Variants in DCLK2 observed in about 807,000 individuals in gnomAD.
DCLK2 encodes the protein doublecortin like kinase 2.
In DCLK2, 31 loss-of-function variants were observed where a neutral mutation model predicts 78.4. The ratio of observed to expected loss-of-function variants is 0.40; its 90% CI spans 0.30 to 0.53. The LOEUF is 0.53. DCLK2 is among the 20% of genes least tolerant of loss of function. The probability of loss-of-function intolerance (pLI) is 0.61; values close to 1 mark genes in which losing one functional copy is unlikely to be tolerated. For synonymous variants in DCLK2, 407 were observed against 374.9 expected (o/e 1.09, Z -0.99); for missense variants, 872 against 973.7 (o/e 0.90, Z 1.39).
chr4:150,190,061 T>G (rs1738293580), intron 2 of DCLK2, among the ~76,000 whole-genome samples: 11 of 27,658 alleles, frequency 4.0e-4, no homozygotes, highest in African/African-American at 4.7e-4. Context: ...AGGCCAAGTG[T>G]GGTGGCTGTG....
At chr4:150,082,784 T>C (rs1236803913) in intron 1 of DCLK2, among the ~76,000 whole-genome samples, 1 of 152,200 alleles carries the variant, frequency 6.6e-6, no homozygotes, top group African/African-American at 2.4e-5. Context: ...AGCTTTCTTA[T>C]TAGGGACTGA....
intron 2 of DCLK2, among the ~76,000 whole-genome samples, chr4:150,138,866 T>C (rs372776504): frequency 6.6e-6 from 1 of 151,906 alleles, no homozygotes; most frequent in Non-Finnish European, 1.5e-5. Flanking sequence ...GGGTTTCACC[T>C]TGTTAGCCAG....
At chr4:150,215,009 T>C (rs1272998808) in intron 5 of DCLK2, among the ~76,000 whole-genome samples, 1 of 151,080 alleles carries the variant, frequency 6.6e-6, no homozygotes, top group Non-Finnish European at 1.5e-5. Context: ...TTATAGACCA[T>C]TTACCACTTG....
chr4:150,220,359 T>G (rs148132616), intron 5 of DCLK2, among the ~76,000 whole-genome samples: 1 of 152,328 alleles, frequency 6.6e-6, no homozygotes, highest in South Asian at 2.1e-4. Flanking sequence ...CTGGAACCAT[T>G]AGAATTATCT....
In DCLK2 at chr4:150,198,020, C is replaced by A; in HGVS notation, c.878C>A (p.Ser293Ter). ...LDHSECRVLK[S>*]SYSRSSAVKY... is the part of the protein sequence containing the mutation. ...TTTCTAGAATGTCGTGTCCTGAAGT[C>A]ATCTTATTCTCGATCCTCAGCTGTT... The change falls in exon 4 of 16, where the codon TCA (serine) becomes TAA (stop). Residue 293 changes from serine to a stop codon, truncating the protein, a stop_gained. Transcript: ENST00000296550. LOFTEE classifies it high-confidence loss of function. 1 of 1,613,304 alleles carries A rather than the reference C, an allele frequency of 6.2e-7. No homozygotes were observed. The highest frequency in any genetic ancestry group is 1.1e-5 in the South Asian group (1 of 90,814).
In DCLK2 at chr4:150,232,688, G is replaced by C; in HGVS notation, c.1426G>C (p.Asp476His). ...FLVMELVKGG[D>H]LFDAITSSTK... is the part of the protein sequence containing the mutation. ...TCTTTTATGTATCGTTTAGGGTGGA[G>C]ATCTCTTTGATGCAATTACTTCGTC... Residue 476 changes from aspartate (D) to histidine (H), a missense_variant, in exon 10 of 16, where the codon GAT becomes CAT. Physicochemically the swap from Asp to His is moderately conservative, Grantham distance 81 (BLOSUM62 -1). Around this residue, in one of 3 missense-constraint regions of DCLK2, gnomAD observed 86 missense variants for 150.3 expected, o/e 0.57. Transcript: ENST00000296550. 6.2e-7 allele frequency: 1 copy of C among 1,613,974 alleles called. No individual in the cohort carries two copies. Among genetic ancestry groups the C allele is most frequent in the Non-Finnish European group, 8.5e-7 (1 of 1,179,876 alleles).
chr4:150,180,264 C>T (rs906007532), intron 2 of DCLK2, among the ~76,000 whole-genome samples: 3 of 152,128 alleles, frequency 2.0e-5, no homozygotes, highest in Admixed American at 6.5e-5. Context: ...TGTGTAAAAT[C>T]GGAATGGTAG....
chr4:150,196,603 C>A (rs1739049645), intron 3 of DCLK2, among the ~76,000 whole-genome samples: 1 of 152,026 alleles, frequency 6.6e-6, no homozygotes, highest in Non-Finnish European at 1.5e-5. Flanking sequence ...CAGTATGTTA[C>A]CTAATTTAAC....
chr4:150,242,754 C>T (rs576919989), intron 12 of DCLK2, among the ~76,000 whole-genome samples: 2 of 152,222 alleles, frequency 1.3e-5, no homozygotes, highest in Non-Finnish European at 2.9e-5. Context: ...GCTCACCTCA[C>T]ACTTGATGTG....
intron 1 of DCLK2, among the ~76,000 whole-genome samples, chr4:150,087,913 T>G (rs1008535363): frequency 2.0e-5 from 3 of 152,204 alleles, no homozygotes; most frequent in South Asian, 4.1e-4. Flanking sequence ...TTCTATGACC[T>G]TCCTTGGAGA....
At chr4:150,146,301 C>A (rs1215159788) in intron 2 of DCLK2, among the ~76,000 whole-genome samples, 5 of 151,748 alleles carry the variant, frequency 3.3e-5, no homozygotes, top group Non-Finnish European at 7.4e-5. Flanking sequence ...AATGCAAAAT[C>A]TCAGGTTCAA....
At chr4:150,238,834 G>A (rs76937818) in intron 10 of DCLK2, among the ~76,000 whole-genome samples, 7 of 152,056 alleles carry the variant, frequency 4.6e-5, no homozygotes, top group Admixed American at 2.0e-4. Context: ...ACTTGTTATG[G>A]AAGTTCAGGC....
At chr4:150,228,729 A>C (rs545442309) in intron 8 of DCLK2, among the ~76,000 whole-genome samples, 1 of 152,236 alleles carries the variant, frequency 6.6e-6, no homozygotes, top group Non-Finnish European at 1.5e-5. Context: ...AAAGTTCCAG[A>C]TAAAACTATG....
At chr4:150,253,665 G>C in intron 15 of DCLK2, 1 of 1,246,672 alleles carries the variant, frequency 8.0e-7, no homozygotes, top group Non-Finnish European at 1.0e-6. Flanking sequence ...CTGCTTACTG[G>C]TGTGGGTCTT....
chr4:150,220,454 A>G (rs74514473), intron 5 of DCLK2, among the ~76,000 whole-genome samples: 55 of 152,282 alleles, frequency 3.6e-4, no homozygotes, highest in Non-Finnish European at 6.8e-4. Context: ...TTATGGAAGT[A>G]AAAAATAACA....
intron 8 of DCLK2, among the ~76,000 whole-genome samples, chr4:150,228,061 C>A (rs565469234): frequency 6.6e-6 from 1 of 152,268 alleles, no homozygotes; most frequent in East Asian, 1.9e-4. Flanking sequence ...TCATATCCCA[C>A]CAGTCTCTGC....
intron 13 of DCLK2, 74 bp downstream of exon 13, chr4:150,247,773 C>T (rs771330887): frequency 8.7e-5 from 104 of 1,195,870 alleles, no homozygotes; most frequent in Admixed American, 1.2e-4. Flanking sequence ...GCTGTAGCTG[C>T]GCTAGGTATT....
At position 150,095,259 on chromosome 4, in the gene DCLK2, C is replaced by G. The variant is rs181996201; in HGVS notation, c.422-7219C>G. Reference sequence around the variant, plus strand: ...GTGTCCCTTCCCATTTACAAGTCTTCTCTCTCCCATGGCAACAACAGCCTG... The same window carrying G: ...GTGTCCCTTCCCATTTACAAGTCTTGTCTCTCCCATGGCAACAACAGCCTG... On this transcript the variant is annotated intron_variant, in intron 1 of 15. Coordinates refer to ENST00000296550, the MANE Select transcript of DCLK2 (RefSeq NM_001040260.4). Among the ~76,000 whole-genome samples the G allele has an allele frequency of 2.6e-5, 4 of 152,314 alleles. No homozygotes were observed. The East Asian group carries it at 7.7e-4, about 29-fold the overall frequency.
intron 2 of DCLK2, among the ~76,000 whole-genome samples, chr4:150,130,535 T>A (rs1255812304): frequency 6.6e-6 from 1 of 151,692 alleles, no homozygotes; most frequent in African/African-American, 2.4e-5. Context: ...CTAAGGGAAA[T>A]GAGAATAATG....
Sources: gnomAD v4.1 joint callset for allele counts (sites outside exome capture counted in the v4.1 genomes callset) on GRCh38, gnomAD v4.1.1 for gene constraint, gnomAD v4.1.1 regional missense constraint, MANE v1.5 for transcripts, NCBI Gene and HGNC (gene_info 2026-07-23, HGNC 2026-07-21) for gene names.